ZNF69: variants seen among roughly 807,000 people sequenced by gnomAD.
ZNF69 encodes the protein zinc finger protein 69.
A neutral mutation model predicts 50.9 loss-of-function variants in ZNF69; 47 were observed. That is an observed-to-expected ratio of 0.92 (90% CI 0.73 to 1.18). The LOEUF (loss-of-function observed/expected upper bound fraction) is 1.18. Ranked by LOEUF, ZNF69 falls within the 50% of genes most tolerant of loss-of-function variation. ZNF69 has a pLI of 0.00. For synonymous variants in ZNF69, 216 were observed against 223.1 expected (o/e 0.97, Z 0.29); for missense variants, 717 against 675.1 (o/e 1.06, Z -0.69).
chr19:11,927,395 G>A, the ZNF69 span, among the ~76,000 whole-genome samples: 2 of 149,320 alleles, frequency 1.3e-5, no homozygotes, highest in Non-Finnish European at 3.0e-5. Flanking sequence ...GACCAACCTG[G>A]CCAACACAGC....
the ZNF69 span, among the ~76,000 whole-genome samples, chr19:11,969,945 T>A: frequency 3.3e-5 from 5 of 152,310 alleles, no homozygotes; most frequent in East Asian, 9.6e-4. Context: ...GGTTTTAGAA[T>A]TGCCTGGGGC....
chr19:11,956,781 G>A, the ZNF69 span: 4 of 375,904 alleles, frequency 1.1e-5, no homozygotes, highest in African/African-American at 2.1e-5. Context: ...GCTTGAACTC[G>A]GGGCGGAGGC....
the ZNF69 span, among the ~76,000 whole-genome samples, chr19:11,942,951 T>C: frequency 6.6e-6 from 1 of 152,172 alleles, no homozygotes; most frequent in East Asian, 1.9e-4. Context: ...AGTTCTCACT[T>C]TCATCCTTAC....
At chr19:11,948,798 C>T in the ZNF69 span, 1 of 1,610,058 alleles carries the variant, frequency 6.2e-7, no homozygotes, top group South Asian at 1.1e-5. Flanking sequence ...GTGGTAAATC[C>T]TTTACTTATT....
downstream of ZNF69, among the ~76,000 whole-genome samples, chr19:11,909,286 A>C (rs1972423492): frequency 6.6e-6 from 1 of 152,208 alleles, no homozygotes; most frequent in Non-Finnish European, 1.5e-5. Flanking sequence ...TATTCCAATC[A>C]ATAGAAAAAG....
the ZNF69 span, among the ~76,000 whole-genome samples, chr19:11,959,734 C>G: frequency 6.6e-6 from 1 of 152,144 alleles, no homozygotes; most frequent in African/African-American, 2.4e-5. Context: ...GAAATAATTG[C>G]TGGCTTGTAG....
rs1972304892 is a variant in ZNF69, at chr19:11,903,922, C to A, written c.208C>A (p.Gln70Lys). Reference sequence around the variant, plus strand: ...TATTTTAGGAAAAAGTTGGAAAGACCAGAACATTGAATATGAGTACCAAAA... The same window carrying A: ...TATTTTAGGAAAAAGTTGGAAAGACAAGAACATTGAATATGAGTACCAAAA... ...LTSVGKSWKDQNIEYEYQNPR... is the reference protein window; with the variant it reads ...LTSVGKSWKDKNIEYEYQNPR... The change falls in exon 3 of 4, where the codon CAG (glutamine) becomes AAG (lysine). Residue 70 changes from glutamine (Q) to lysine (K), a missense_variant. Transcript: ENST00000429654. 6.2e-7 allele frequency: 1 copy of A among 1,613,814 alleles called. No individual in the cohort carries two copies. Among genetic ancestry groups the A allele is most frequent in the African/African-American group, 1.3e-5 (1 of 74,970 alleles).
chr19:11,951,846 G>A, the ZNF69 span, among the ~76,000 whole-genome samples: 1 of 152,312 alleles, frequency 6.6e-6, no homozygotes, highest in South Asian at 2.1e-4. Flanking sequence ...CGTCTCATAT[G>A]CCCGGTATGT....
At chr19:11,929,574 A>C in the ZNF69 span, among the ~76,000 whole-genome samples, 1 of 148,462 alleles carries the variant, frequency 6.7e-6, no homozygotes, top group African/African-American at 2.6e-5. Flanking sequence ...CCTATACATT[A>C]GTAATTTCTG....
the ZNF69 span, among the ~76,000 whole-genome samples, chr19:11,931,598 CTTAATT>C: frequency 2.7e-5 from 4 of 147,906 alleles, no homozygotes; most frequent in African/African-American, 1.1e-4. Context: ...GTACCTTTTT[CTTAATT>C]TTAGTGAGGG....
Position 11,904,670 on chromosome 19 carries a change from C to T in ZNF69, c.273C>T (p.Val91=), listed in dbSNP as rs2145238481. The T allele has an allele frequency of 1.9e-6, 3 of 1,612,642 alleles. No homozygotes were observed. In the East Asian group the frequency reaches 6.7e-5, roughly 36 times the overall value. ...RNFRSLIEKK[V]NEIKDDSHCG... ...ACAGGAGTCTCATAGAAAAGAAAGTCAATGAAATTAAAGATGACAGTCATT... is the reference window on the plus strand; with the variant it reads ...ACAGGAGTCTCATAGAAAAGAAAGTTAATGAAATTAAAGATGACAGTCATT... Residue 91 remains valine (V), a synonymous_variant, in exon 4 of 4, where the codon GTC becomes GTT. Coordinates refer to ENST00000429654, the MANE Select transcript of ZNF69 (RefSeq NM_001364730.1).
the ZNF69 span, chr19:11,979,003 G>T: frequency 5.6e-6 from 9 of 1,614,100 alleles, no homozygotes; most frequent in Admixed American, 8.3e-5. Context: ...AGACATGAAA[G>T]GACCCACTCT....
chr19:11,963,088 A>AGAGAGAGAGAGAGAGAGAGAGTGTGT, the ZNF69 span, among the ~76,000 whole-genome samples: 23 of 138,310 alleles, frequency 1.7e-4, no homozygotes, highest in African/African-American at 6.9e-4. Flanking sequence ...AGAGAGAGAG[A>AGAGAGAGAGAGAGAGAGAGAGTGTGT]GTGTGTGTGT....
chr19:11,955,565 G>A, the ZNF69 span, among the ~76,000 whole-genome samples: 2 of 151,950 alleles, frequency 1.3e-5, no homozygotes, highest in Admixed American at 1.3e-4. Context: ...AAAGTGCTGG[G>A]ATTACAGGTG....
the ZNF69 span, among the ~76,000 whole-genome samples, chr19:11,927,297 C>A: frequency 1.3e-5 from 2 of 151,846 alleles, no homozygotes; most frequent in African/African-American, 2.4e-5. Flanking sequence ...GAGGTTGCAG[C>A]CCAGCCGAGG....
chr19:11,925,401 C>T, the ZNF69 span: 10 of 1,428,914 alleles, frequency 7.0e-6, no homozygotes, highest in African/African-American at 1.2e-4. Flanking sequence ...CCTCCTTGAG[C>T]AGTTCGGCCC....
chr19:11,923,683 T>C, the ZNF69 span, among the ~76,000 whole-genome samples: 1 of 152,166 alleles, frequency 6.6e-6, no homozygotes, highest in Non-Finnish European at 1.5e-5. Context: ...TATCTTAGAT[T>C]TTTCCTCCCC....
the ZNF69 span, chr19:11,978,973 C>T: frequency 1.7e-5 from 28 of 1,614,004 alleles, no homozygotes; most frequent in African/African-American, 2.0e-4. Flanking sequence ...AAAGCATTCA[C>T]GTATCCCAGT....
At chr19:11,944,319 A>G in the ZNF69 span, among the ~76,000 whole-genome samples, 10 of 140,078 alleles carry the variant, frequency 7.1e-5, no homozygotes, top group Non-Finnish European at 1.2e-4. Flanking sequence ...GGTAAATTTA[A>G]TCTTAATACC....
Sources: gnomAD v4.1 joint callset for allele counts (sites outside exome capture counted in the v4.1 genomes callset) on GRCh38, gnomAD v4.1.1 for gene constraint, MANE v1.5 for transcripts, NCBI Gene and HGNC (gene_info 2026-07-23, HGNC 2026-07-21) for gene names.